The following DYRK1A variants were observed in gnomAD, a reference collection of about 807,000 sequenced individuals.
DYRK1A encodes dual specificity tyrosine phosphorylation regulated kinase 1A.
A neutral mutation model predicts 79.7 loss-of-function variants in DYRK1A; 9 were observed. The observed-to-expected ratio is 0.11, with a 90% CI of 0.07 to 0.20. The LOEUF is 0.20. DYRK1A is among the 10% of genes least tolerant of loss of function. The pLI is 1.00. For missense variants in DYRK1A, 622 were observed against 956.0 expected (o/e 0.65, Z 4.61); for synonymous variants, 349 against 329.7 (o/e 1.06, Z -0.63).
intron 2 of DYRK1A, among the ~76,000 whole-genome samples, chr21:37,464,440 T>C (rs529028625): frequency 2.6e-5 from 4 of 152,326 alleles, no homozygotes; most frequent in Non-Finnish European, 5.9e-5. Flanking sequence ...AAATGATCCA[T>C]ACAGTTCAGA....
chr21:37,409,444 A>C (rs559750633), intron 1 of DYRK1A, among the ~76,000 whole-genome samples: 2 of 152,144 alleles, frequency 1.3e-5, no homozygotes, highest in African/African-American at 2.4e-5. Context: ...GGATGGTGAT[A>C]GTTAGCAGGA....
intron 2 of DYRK1A, among the ~76,000 whole-genome samples, chr21:37,439,348 C>T (rs1414024686): frequency 6.6e-6 from 1 of 152,170 alleles, no homozygotes; most frequent in Non-Finnish European, 1.5e-5. Context: ...ACATAGACTA[C>T]AATGTTGAAT....
At chr21:37,488,725 C>T (rs980625580) in intron 6 of DYRK1A, 33 of 985,170 alleles carry the variant, frequency 3.3e-5, no homozygotes, top group East Asian at 1.1e-4. Flanking sequence ...TTTCATTGGA[C>T]GAACATTGTG....
intron 2 of DYRK1A, among the ~76,000 whole-genome samples, chr21:37,452,983 G>A (rs925462784): frequency 6.6e-6 from 1 of 152,078 alleles, no homozygotes; most frequent in Non-Finnish European, 1.5e-5. Flanking sequence ...GGTGGCTTAC[G>A]CCTATAATCC....
intron 9 of DYRK1A, among the ~76,000 whole-genome samples, chr21:37,499,816 A>C (rs905162426): frequency 2.0e-5 from 3 of 152,218 alleles, no homozygotes; most frequent in Non-Finnish European, 2.9e-5. Flanking sequence ...CCCTTGAACA[A>C]TACAGGTTTG....
rs58947386 is a variant in DYRK1A, at chr21:37,519,736, G to GTTTTTTTTGTTTTTTTTTTTT, written c.*7213_*7214insGTTTTTTTTTTTTTTTTTTTT. 8.2e-4 allele frequency: 70 copies of GTTTTTTTTGTTTTTTTTTTTT among 85,794 alleles called. 1 individual carries two copies. The highest frequency in any genetic ancestry group is 3.2e-3 in the African/African-American group (65 of 20,606). The allele number at this position is 85,794 out of a possible 1,614,324, so 5.3% of individuals were successfully genotyped here. ...AGAGTTTTGAGGTTTGTTGTGGGAA[G>GTTTTTTTTGTTTTTTTTTTTT]TTTTTTTTTTTTTTTTTTTTTTTGA... On this transcript the variant is annotated 3_prime_UTR_variant, in exon 12 of 12. Coordinates refer to ENST00000647188, the MANE Select transcript of DYRK1A (RefSeq NM_001347721.2).
chr21:37,372,795 C>T (rs1367865581), intron 1 of DYRK1A, among the ~76,000 whole-genome samples: 1 of 152,068 alleles, frequency 6.6e-6, no homozygotes, highest in Non-Finnish European at 1.5e-5. Flanking sequence ...TTCTGTGATC[C>T]TAGCATAAAT....
chr21:37,376,032 A>G (rs923140612), intron 1 of DYRK1A, among the ~76,000 whole-genome samples: 1 of 152,058 alleles, frequency 6.6e-6, no homozygotes, highest in East Asian at 1.9e-4. Context: ...ACAGAATGAC[A>G]GAATGGCTTG....
Position 37,512,185 on chromosome 21 carries a change from G to A in DYRK1A, c.1919G>A (p.Gly640Asp). Residue 640 changes from glycine (G) to aspartate (D), a missense_variant, in exon 12 of 12, where the codon GGC becomes GAC. By Grantham distance (94) the Gly-to-Asp change is moderately conservative (BLOSUM62 -1). Around this residue, in one of 5 missense-constraint regions of DYRK1A, gnomAD observed 292 missense variants for 316.7 expected, o/e 0.92. Transcript: ENST00000647188. The stretch of plus-strand genomic sequence containing the variant: ...TCTACCCAAGATTCTATGGAGGTTG[G>A]CCACAGTCACCACTCCATGACATCC... ...SSSTQDSMEV[G>D]HSHHSMTSLS... 6.2e-7 allele frequency: 1 copy of A among 1,614,056 alleles called. No homozygotes were observed. Among genetic ancestry groups the A allele is most frequent in the Non-Finnish European group, 8.5e-7 (1 of 1,180,000 alleles).
In DYRK1A at chr21:37,466,894, A is replaced by C. The variant is rs1369176467; in HGVS notation, c.11-5790A>C. 2.6e-5 allele frequency among the ~76,000 whole-genome samples: 4 copies of C among 152,222 alleles called. No individual in the cohort carries two copies. In the East Asian group the frequency reaches 7.7e-4, roughly 29 times the overall value. ...AAGAAAGAGAAGACCTCATTAACCA[A>C]TGTTGAGGTGAAGAGGATATCACAA... On this transcript the variant is annotated intron_variant, in intron 2 of 11. Coordinates refer to ENST00000647188, the MANE Select transcript of DYRK1A (RefSeq NM_001347721.2).
intron 1 of DYRK1A, among the ~76,000 whole-genome samples, chr21:37,369,464 T>A (rs2049386084): frequency 6.6e-6 from 1 of 152,268 alleles, no homozygotes; most frequent in African/African-American, 2.4e-5. Flanking sequence ...TGGAGGATTT[T>A]CCCTGGTATA....
At chr21:37,463,825 A>C (rs2148533916) in intron 2 of DYRK1A, among the ~76,000 whole-genome samples, 1 of 152,332 alleles carries the variant, frequency 6.6e-6, no homozygotes, top group East Asian at 1.9e-4. Context: ...TGCCCACATA[A>C]GCTTGGTTGC....
At chr21:37,453,334 G>C (rs1191957188) in intron 2 of DYRK1A, among the ~76,000 whole-genome samples, 1 of 152,076 alleles carries the variant, frequency 6.6e-6, no homozygotes, top group East Asian at 1.9e-4. Context: ...GACTATTGTT[G>C]ACTGCATTGG....
intron 1 of DYRK1A, among the ~76,000 whole-genome samples, chr21:37,371,892 TC>T (rs369791312): frequency 2.0e-4 from 30 of 152,324 alleles, no homozygotes; most frequent in African/African-American, 6.7e-4. Flanking sequence ...CCCTAATTTT[TC>T]TTGAGTGTAT....
chr21:37,511,409 TGAAGA>T (rs900057094), intron 11 of DYRK1A, among the ~76,000 whole-genome samples: 32 of 152,178 alleles, frequency 2.1e-4, no homozygotes, highest in African/African-American at 7.5e-4. Flanking sequence ...ATGATGGGGA[TGAAGA>T]GAAGAGGCCA....
At chr21:37,460,561 C>CT (rs1430917165) in intron 2 of DYRK1A, among the ~76,000 whole-genome samples, 2 of 152,210 alleles carry the variant, frequency 1.3e-5, no homozygotes, top group Non-Finnish European at 2.9e-5. Flanking sequence ...CACCTCCAGA[C>CT]TTTGTCTTGA....
intron 1 of DYRK1A, among the ~76,000 whole-genome samples, chr21:37,399,026 A>G (rs1177796485): frequency 3.9e-5 from 6 of 152,078 alleles, no homozygotes; most frequent in South Asian, 4.2e-4. Flanking sequence ...AGAAACTTGC[A>G]TAGATGAAGG....
intron 1 of DYRK1A, among the ~76,000 whole-genome samples, chr21:37,383,659 C>T (rs1010301715): frequency 8.5e-5 from 13 of 152,072 alleles, no homozygotes; most frequent in African/African-American, 3.1e-4. Context: ...TTCTTGGCTG[C>T]GATATGTTTT....
chr21:37,388,158 T>C lies in DYRK1A; in HGVS notation c.-77+20530T>C, dbSNP rs534780445. ...AGGCTGGAGTGCAGTGGTCATGGCA[T>C]ACAGCAGTTTCGACCTCCCTGGGCT... On this transcript the variant is annotated intron_variant, in intron 1 of 11. Coordinates refer to ENST00000647188, the MANE Select transcript of DYRK1A (RefSeq NM_001347721.2). Among the ~76,000 whole-genome samples, 57 of 142,854 alleles carry C rather than the reference T, an allele frequency of 4.0e-4. 1 individual carries two copies. The highest frequency in any genetic ancestry group is 1.4e-3 in the African/African-American group (55 of 38,736). 93.7% of individuals were successfully genotyped at this position (142,854 alleles called of 152,430 possible).
Sources: gnomAD v4.1 joint callset for allele counts (sites outside exome capture counted in the v4.1 genomes callset) on GRCh38, gnomAD v4.1.1 for gene constraint, gnomAD v4.1.1 regional missense constraint, MANE v1.5 for transcripts, NCBI Gene and HGNC (gene_info 2026-07-23, HGNC 2026-07-21) for gene names.